Variants in PRSS23 observed in about 807,000 individuals in gnomAD.
The protein encoded by PRSS23 is protease, serine 23.
Under a neutral mutation model 34.7 loss-of-function variants are expected in PRSS23, and 25 were observed. The ratio of observed to expected loss-of-function variants is 0.72; its 90% CI spans 0.53 to 1.01. The LOEUF (loss-of-function observed/expected upper bound fraction) is 1.01. PRSS23 is among the 50% of genes least tolerant of loss of function. The pLI is 0.00. For missense variants in PRSS23, 445 were observed against 475.6 expected (o/e 0.94, Z 0.60); for synonymous variants, 176 against 186.6 (o/e 0.94, Z 0.46).
chr11:86,821,509 C>G (rs573956976), intron 1 of PRSS23: 1 of 1,611,002 alleles, frequency 6.2e-7, no homozygotes, highest in East Asian at 2.2e-5. Context: ...AAAGAAAAAT[C>G]CATTGTTCAG....
At chr11:86,823,304 G>C (rs1382055992) in intron 1 of PRSS23, 2 of 683,910 alleles carry the variant, frequency 2.9e-6, no homozygotes, top group Non-Finnish European at 5.4e-6. Context: ...GGTCCGAGAT[G>C]TAGAATAGCT....
Position 86,919,663 on chromosome 11 carries a change from C to T in PRSS23, c.207-31553C>T, listed in dbSNP as rs184102116. ...AGTTGTTACGTGATCTTAGTCAAAT[C>T]ATGTTACCTCCCCGGGCCTCCGTTT... On this transcript the variant is annotated intron_variant, in intron 2 of 2. Coordinates refer to the PRSS23 transcript ENST00000533902. Among the ~76,000 whole-genome samples, 763 of 152,312 alleles carry T rather than the reference C, an allele frequency of 5.0e-3. 2 individuals carry two copies. The highest frequency in any genetic ancestry group is 0.024 in the Middle Eastern group (7 of 294).
At chr11:86,887,315 A>G (rs1404894697) in intron 2 of PRSS23, among the ~76,000 whole-genome samples, 1 of 152,086 alleles carries the variant, frequency 6.6e-6, no homozygotes, top group East Asian at 1.9e-4. Context: ...ATGGTAGAGA[A>G]TTATAGTCAA....
chr11:86,895,672 G>T (rs1217151982), intron 2 of PRSS23, among the ~76,000 whole-genome samples: 2 of 151,708 alleles, frequency 1.3e-5, no homozygotes, highest in Non-Finnish European at 2.9e-5. Flanking sequence ...TAGAGATGGG[G>T]TTTCACCATG....
intron 2 of PRSS23, among the ~76,000 whole-genome samples, chr11:86,828,704 T>A (rs1416059477): frequency 4.6e-5 from 7 of 152,210 alleles, no homozygotes; most frequent in Non-Finnish European, 1.5e-5. Flanking sequence ...TGACAGAATC[T>A]CTCGGCATTT....
chr11:86,909,094 T>C (rs953467125), intron 2 of PRSS23: 10 of 152,058 alleles, frequency 6.6e-5, no homozygotes, highest in African/African-American at 1.7e-4. Context: ...CACCATGTAA[T>C]GTCAGCTGTC....
At chr11:86,802,891 A>G (rs760330639) in intron 1 of PRSS23, among the ~76,000 whole-genome samples, 1 of 152,214 alleles carries the variant, frequency 6.6e-6, no homozygotes, top group Non-Finnish European at 1.5e-5. Flanking sequence ...CCAAGGGCCT[A>G]TGAAGTGGCA....
At chr11:86,829,139 T>C (rs571205639) in intron 2 of PRSS23, among the ~76,000 whole-genome samples, 55 of 152,358 alleles carry the variant, frequency 3.6e-4, no homozygotes, top group African/African-American at 1.0e-3. Flanking sequence ...ACCAGTCAGA[T>C]GTAGATTTGG....
In PRSS23 at chr11:86,800,662, G is replaced by A. The variant is rs1185176729; in HGVS notation, c.-14+11G>A. The A allele has an allele frequency of 9.0e-5, 89 of 984,868 alleles. No individual in the cohort carries two copies. The highest frequency in any genetic ancestry group is 1.0e-4 in the Non-Finnish European group (86 of 829,614). The allele number at this position is 984,868 out of a possible 1,614,324, so 61.0% of individuals were successfully genotyped here. A position where few individuals can be genotyped will look rare whatever the true frequency, so the allele number is the denominator to read the frequency against. ...GGCTGCTCGGCGCGGGTGAGTGCGG[G>A]CACCGACTGGGGCATCCGCCCGGGC... On this transcript the variant is annotated intron_variant, in intron 1 of 1. Coordinates refer to ENST00000280258, the MANE Select transcript of PRSS23 (RefSeq NM_007173.6).
exon 3 of PRSS23, chr11:86,952,716 AAAAT>A (rs1050384414): frequency 7.1e-6 from 3 of 423,046 alleles, no homozygotes; most frequent in African/African-American, 5.9e-5. Flanking sequence ...ATAAATAAAT[AAAAT>A]AAATAGGGTC....
chr11:86,877,589 G>C (rs2134955403), intron 2 of PRSS23, among the ~76,000 whole-genome samples: 2 of 152,152 alleles, frequency 1.3e-5, no homozygotes, highest in African/African-American at 4.8e-5. Flanking sequence ...ACTATTTGTT[G>C]AAAAGACTAT....
chr11:86,833,996 T>A (rs1948382401), intron 2 of PRSS23, among the ~76,000 whole-genome samples: 1 of 152,176 alleles, frequency 6.6e-6, no homozygotes. Flanking sequence ...CCATGGTAGA[T>A]CTTAGTCATG....
intron 1 of PRSS23, among the ~76,000 whole-genome samples, chr11:86,791,628 G>A (rs1453576419): frequency 1.3e-5 from 2 of 152,194 alleles, no homozygotes; most frequent in African/African-American, 2.4e-5. Flanking sequence ...GGCCTAGACT[G>A]TGGGGAAGAA....
chr11:86,933,963 A>G (rs1475764047), intron 2 of PRSS23: 1 of 152,242 alleles, frequency 6.6e-6, no homozygotes, highest in African/African-American at 2.4e-5. Flanking sequence ...TGAGTCCATG[A>G]AAAGAAAAGC....
At chr11:86,884,702 G>A (rs944049516) in intron 2 of PRSS23, among the ~76,000 whole-genome samples, 2 of 152,000 alleles carry the variant, frequency 1.3e-5, no homozygotes, top group African/African-American at 2.4e-5. Context: ...TTCAAGATAC[G>A]GCCACTGTCT....
intron 2 of PRSS23, among the ~76,000 whole-genome samples, chr11:86,870,668 A>G (rs1189316814): frequency 6.6e-6 from 1 of 152,222 alleles, no homozygotes; most frequent in Non-Finnish European, 1.5e-5. Context: ...ACAGGTCGAT[A>G]TGATTCTGTT....
chr11:86,889,009 C>A (rs1321666283), intron 2 of PRSS23, among the ~76,000 whole-genome samples: 1 of 152,190 alleles, frequency 6.6e-6, no homozygotes, highest in Non-Finnish European at 1.5e-5. Flanking sequence ...GAGCCCTGAT[C>A]ACTCATGGTG....
chr11:86,899,541 G>A (rs1023607675), intron 2 of PRSS23, among the ~76,000 whole-genome samples: 49 of 149,898 alleles, frequency 3.3e-4, no homozygotes, highest in African/African-American at 1.2e-3. Flanking sequence ...TTGAGACAGA[G>A]TCTCGCTCTG....
Position 86,867,883 on chromosome 11 carries a change from A to AAAAAAAAAAAAAAAAG in PRSS23, c.206+44298_206+44299insAAAAAAAGAAAAAAAA, listed in dbSNP as rs1555076602. 2.4e-3 allele frequency among the ~76,000 whole-genome samples: 360 copies of AAAAAAAAAAAAAAAAG among 151,128 alleles called. 7 individuals carry two copies. Among genetic ancestry groups the AAAAAAAAAAAAAAAAG allele is most frequent in the African/African-American group, 7.1e-3 (291 of 40,808 alleles). ...GAGTGAGACCCTACCTCAAAAAAAA[A>AAAAAAAAAAAAAAAAG]AAAAAAAATACAACAGAGGATTTTG... is the stretch of plus-strand genomic sequence containing the variant. On this transcript the variant is annotated intron_variant, in intron 2 of 2. Transcript: ENST00000533902.
Sources: allele counts gnomAD v4.1 joint callset (sites outside exome capture counted in the v4.1 genomes callset), GRCh38; gene constraint gnomAD v4.1.1; transcripts MANE v1.5; gene names NCBI Gene and HGNC (gene_info 2026-07-23, HGNC 2026-07-21).